The following KLRG2 variants were observed in gnomAD, a reference collection of about 807,000 sequenced individuals.
KLRG2 encodes the protein killer cell lectin-like receptor subfamily G member 2.
A neutral mutation model predicts 35.4 loss-of-function variants in KLRG2; 39 were observed. The ratio of observed to expected loss-of-function variants is 1.10; its 90% CI spans 0.85 to 1.44. The LOEUF (loss-of-function observed/expected upper bound fraction) is 1.44, where lower values mean the gene tolerates loss of function less well. KLRG2 is among the 40% of genes most tolerant of loss of function. KLRG2 has a pLI of 0.00. For missense variants in KLRG2, 632 were observed against 570.9 expected, an observed-to-expected ratio of 1.11 and a Z score of -1.09; for synonymous variants, 283 against 265.8, an observed-to-expected ratio of 1.06 and a Z score of -0.63.
the KLRG2 span, among the ~76,000 whole-genome samples, chr7:139,435,819 G>A: frequency 2.6e-5 from 4 of 152,078 alleles, no homozygotes; most frequent in South Asian, 2.1e-4. Context: ...GTGCCCCGCC[G>A]CTTACCCACT....
rs779534697 is a variant in KLRG2, at chr7:139,453,641, C to T, written c.1176G>A (p.Val392=). 2 of 1,613,780 alleles carry T rather than the reference C, an allele frequency of 1.2e-6. No individual in the cohort carries two copies. The highest frequency in any genetic ancestry group is 1.1e-5 in the South Asian group (1 of 90,954). Residue 392 remains valine (V), a synonymous_variant, in exon 5 of 5, where the codon GTG becomes GTA. Transcript: ENST00000340940. ...NCGALEEGTL[V]AANCSTPRPW... is the part of the protein sequence containing the mutation. ...GTCTTGGAGTGCTGCAGTTTGCAGC[C>T]ACCAGCGTGCCTTCCTCCAGGGCCC...
intron 1 of KLRG2, 132 bp downstream of exon 1, chr7:139,482,754 G>A: frequency 1.4e-6 from 1 of 704,634 alleles, no homozygotes; most frequent in Non-Finnish European, 2.0e-6. Context: ...AGATCGGGTT[G>A]GGGATCGGGA....
intron 3 of KLRG2, among the ~76,000 whole-genome samples, chr7:139,455,637 G>GA (rs907868303): frequency 6.6e-6 from 1 of 151,986 alleles, no homozygotes; most frequent in Non-Finnish European, 1.5e-5. Flanking sequence ...TTTTAACTTG[G>GA]AAAAAAAAGT....
At position 139,480,238 on chromosome 7, in the gene KLRG2, A is replaced by G; in HGVS notation, c.767T>C (p.Met256Thr). The G allele has an allele frequency of 1.2e-6, 2 of 1,602,712 alleles. No homozygotes were observed. The highest frequency in any genetic ancestry group is 4.5e-5 in the East Asian group (2 of 44,804). ...PRAVTLTGLPMYVKSLYWALA... is the reference protein window; with the variant it reads ...PRAVTLTGLPTYVKSLYWALA... Reference sequence around the variant, plus strand: ...GGCCCAGTACAGGGACTTCACGTACATGGGTAGCCCTGGGACGGGGGCAAA... The same window carrying G: ...GGCCCAGTACAGGGACTTCACGTACGTGGGTAGCCCTGGGACGGGGGCAAA... Residue 256 changes from methionine (M) to threonine (T), a missense_variant, in exon 2 of 5, where the codon ATG becomes ACG. Coordinates refer to ENST00000340940, the MANE Select transcript of KLRG2 (RefSeq NM_198508.4).
At chr7:139,443,972 C>T in the KLRG2 span, among the ~76,000 whole-genome samples, 1 of 152,162 alleles carries the variant, frequency 6.6e-6, no homozygotes. Flanking sequence ...AGTCTGTGGC[C>T]AAAGGCCTGA....
chr7:139,433,957 C>T, the KLRG2 span, among the ~76,000 whole-genome samples: 16 of 152,112 alleles, frequency 1.1e-4, no homozygotes, highest in Non-Finnish European at 2.9e-5. Flanking sequence ...GCATCACGTG[C>T]GTTTTTTAAC....
At chr7:139,480,316 A>C in intron 1 of KLRG2, 69 bp from the exon 2 acceptor site, 1 of 842,980 alleles carries the variant, frequency 1.2e-6, no homozygotes, top group South Asian at 1.4e-5. Context: ...TCAGAACCAC[A>C]GACACAGCAC....
intron 3 of KLRG2, among the ~76,000 whole-genome samples, chr7:139,467,624 A>G (rs1406021621): frequency 1.3e-5 from 2 of 148,750 alleles, no homozygotes; most frequent in Non-Finnish European, 3.0e-5. Context: ...TGTTAAACAG[A>G]TGCTTGAAGG....
chr7:139,462,433 C>A (rs1569411871), intron 3 of KLRG2, among the ~76,000 whole-genome samples: 1 of 151,322 alleles, frequency 6.6e-6, no homozygotes, highest in Non-Finnish European at 1.5e-5. Context: ...TCCTGGGGGG[C>A]AAGCATCCCC....
chr7:139,458,309 T>G (rs1377486875), intron 3 of KLRG2, among the ~76,000 whole-genome samples: 1 of 151,432 alleles, frequency 6.6e-6, no homozygotes, highest in African/African-American at 2.4e-5. Flanking sequence ...CCCCGGGAGG[T>G]CGAGGCTGCA....
intron 3 of KLRG2, among the ~76,000 whole-genome samples, chr7:139,454,743 G>A (rs1796430993): frequency 6.6e-6 from 1 of 151,576 alleles, no homozygotes; most frequent in South Asian, 2.1e-4. Context: ...TTGAGCCCAG[G>A]AGACAGAGGT....
At chr7:139,430,824 C>G in the KLRG2 span, among the ~76,000 whole-genome samples, 1 of 152,172 alleles carries the variant, frequency 6.6e-6, no homozygotes, top group Admixed American at 6.5e-5. Context: ...GCCTGGCCAA[C>G]ATGGTGAAAC....
chr7:139,471,356 T>C (rs1294336257), intron 3 of KLRG2, among the ~76,000 whole-genome samples: 1 of 152,060 alleles, frequency 6.6e-6, no homozygotes, highest in Non-Finnish European at 1.5e-5. Flanking sequence ...GATACTGACA[T>C]GTGTGTTCAA....
chr7:139,437,276 T>C, the KLRG2 span, among the ~76,000 whole-genome samples: 1 of 151,660 alleles, frequency 6.6e-6, no homozygotes, highest in Admixed American at 6.6e-5. Flanking sequence ...AATACAAAAA[T>C]TAGCCAGGCA....
At chr7:139,439,468 G>A in the KLRG2 span, among the ~76,000 whole-genome samples, 1 of 152,176 alleles carries the variant, frequency 6.6e-6, no homozygotes, top group Non-Finnish European at 1.5e-5. Flanking sequence ...TAGAGGCGAG[G>A]TTTGAAAGGT....
the KLRG2 span, among the ~76,000 whole-genome samples, chr7:139,434,174 A>T: frequency 6.6e-6 from 1 of 152,178 alleles, no homozygotes; most frequent in South Asian, 2.1e-4. Flanking sequence ...AGAATCACTA[A>T]AGTGTTTCTA....
At chr7:139,479,885 G>A (rs1569416932) in intron 2 of KLRG2, 113 bp from the exon 3 acceptor site, 1 of 1,242,854 alleles carries the variant, frequency 8.0e-7, no homozygotes, top group Non-Finnish European at 1.1e-6. Flanking sequence ...AAGGTGGGCA[G>A]GGCCCCAGGG....
At chr7:139,437,186 G>C in the KLRG2 span, among the ~76,000 whole-genome samples, 2 of 152,042 alleles carry the variant, frequency 1.3e-5, no homozygotes, top group Admixed American at 6.6e-5. Context: ...TAGCCCTTTG[G>C]GAGGCCGAGG....
At chr7:139,447,248 C>T in the KLRG2 span, among the ~76,000 whole-genome samples, 1 of 152,082 alleles carries the variant, frequency 6.6e-6, no homozygotes, top group Non-Finnish European at 1.5e-5. Flanking sequence ...TGTTGTTAGG[C>T]GATTTTATCA....
Sources: allele counts gnomAD v4.1 joint callset (sites outside exome capture counted in the v4.1 genomes callset), GRCh38; gene constraint gnomAD v4.1.1; transcripts MANE v1.5; gene names NCBI Gene and HGNC (gene_info 2026-07-23, HGNC 2026-07-21).